The following ROBO2 variants were observed in gnomAD, a reference collection of about 807,000 sequenced individuals.
The protein encoded by ROBO2 is roundabout homolog 2.
A neutral mutation model predicts 160.8 loss-of-function variants in ROBO2; 53 were observed. The ratio of observed to expected loss-of-function variants is 0.33; its 90% confidence interval spans 0.26 to 0.41. ROBO2 has a LOEUF of 0.41. Ranked by LOEUF, ROBO2 falls within the 10% of genes least tolerant of loss-of-function variation. ROBO2 has a pLI of 1.00. For missense variants in ROBO2, 1,577 were observed against 1,722.4 expected, an observed-to-expected ratio of 0.92 and a Z score of 1.49; for synonymous variants, 664 against 611.7, an observed-to-expected ratio of 1.09 and a Z score of -1.26.
At chr3:77,616,373 G>GTT (rs11393761) in intron 21 of ROBO2, among the ~76,000 whole-genome samples, 23 of 151,266 alleles carry the variant, frequency 1.5e-4, no homozygotes, top group South Asian at 6.3e-4. Context: ...AGTTGGAAAG[G>GTT]TTTTTTTTTA....
At chr3:76,730,125 T>G (rs1292023292) in intron 2 of ROBO2, among the ~76,000 whole-genome samples, 1 of 152,018 alleles carries the variant, frequency 6.6e-6, no homozygotes, top group Non-Finnish European at 1.5e-5. Context: ...TTTCTTACTG[T>G]CCTTCACTCT....
chr3:77,471,823 G>A (rs527800676), intron 2 of ROBO2, among the ~76,000 whole-genome samples: 45 of 152,250 alleles, frequency 3.0e-4, no homozygotes, highest in African/African-American at 9.6e-4. Context: ...TGATTTTTTT[G>A]AGGAGATGAA....
At chr3:76,628,371 C>T (rs2089804035) in intron 2 of ROBO2, among the ~76,000 whole-genome samples, 2 of 151,818 alleles carry the variant, frequency 1.3e-5, no homozygotes, top group Non-Finnish European at 2.9e-5. Flanking sequence ...CTCAAGTGAC[C>T]CTCACACTAC....
intron 1 of ROBO2, among the ~76,000 whole-genome samples, chr3:77,085,247 C>T (rs1009887801): frequency 3.3e-5 from 5 of 151,994 alleles, no homozygotes; most frequent in South Asian, 4.1e-4. Flanking sequence ...TTATTAAAGA[C>T]GTAAATTTAT....
intron 2 of ROBO2, among the ~76,000 whole-genome samples, chr3:77,236,648 A>G (rs2088031301): frequency 6.6e-6 from 1 of 152,196 alleles, no homozygotes; most frequent in Non-Finnish European, 1.5e-5. Flanking sequence ...TTCTGGTATC[A>G]TACAGAATAA....
At chr3:77,433,829 T>C (rs1414180429) in intron 2 of ROBO2, among the ~76,000 whole-genome samples, 1 of 151,976 alleles carries the variant, frequency 6.6e-6, no homozygotes, top group Non-Finnish European at 1.5e-5. Context: ...CTAAACCCAG[T>C]AATTCTTGTG....
At chr3:76,246,717 C>A (rs1040056675) in intron 2 of ROBO2, among the ~76,000 whole-genome samples, 107 of 152,190 alleles carry the variant, frequency 7.0e-4, no homozygotes, top group Admixed American at 2.1e-3. Context: ...ATGCTGAATT[C>A]TAGACTAGAG....
At chr3:77,178,627 G>C (rs778796991) in intron 2 of ROBO2, among the ~76,000 whole-genome samples, 35 of 151,972 alleles carry the variant, frequency 2.3e-4, no homozygotes, top group Non-Finnish European at 4.1e-4. Flanking sequence ...CTTTGAATAA[G>C]TGTCATTTTT....
rs370366202 is a variant in ROBO2, at chr3:77,240,391, C to T, written c.388+142051C>T. Among the ~76,000 whole-genome samples the T allele has an allele frequency of 6.4e-4, 97 of 152,272 alleles. 1 individual carries two copies. The highest frequency in any genetic ancestry group is 2.2e-3 in the African/African-American group (91 of 41,582). On this transcript the variant is annotated intron_variant, in intron 2 of 25. Coordinates refer to ENST00000461745, the Ensembl canonical transcript of ROBO2. ...AGTCGCCCGCTCCGAGTGGGCCCGCCGAGCCCACGCCCACCCGGAACTCAC... is the reference window on the plus strand; with the variant it reads ...AGTCGCCCGCTCCGAGTGGGCCCGCTGAGCCCACGCCCACCCGGAACTCAC...
At chr3:77,354,219 T>A (rs1224242441) in intron 2 of ROBO2, among the ~76,000 whole-genome samples, 1 of 152,200 alleles carries the variant, frequency 6.6e-6, no homozygotes, top group Non-Finnish European at 1.5e-5. Context: ...TAGTTGTTGG[T>A]CTCATGGACA....
intron 2 of ROBO2, among the ~76,000 whole-genome samples, chr3:75,998,335 A>C (rs1051976220): frequency 6.6e-6 from 1 of 152,196 alleles, no homozygotes; most frequent in African/African-American, 2.4e-5. Context: ...ACCATAACTC[A>C]TATGACGTTT....
At chr3:77,562,394 G>T (rs148865043) in intron 9 of ROBO2, among the ~76,000 whole-genome samples, 1 of 151,890 alleles carries the variant, frequency 6.6e-6, no homozygotes, top group Admixed American at 6.6e-5. Context: ...AAAGAGAGGG[G>T]CAAATTGTTT....
At chr3:77,428,337 A>ATTTTTTTTTTTTTTT (rs1491236295) in intron 2 of ROBO2, among the ~76,000 whole-genome samples, 1 of 128,224 alleles carries the variant, frequency 7.8e-6, no homozygotes, top group South Asian at 2.6e-4. Flanking sequence ...AACTTAGGTA[A>ATTTTTTTTTTTTTTT]TATTTTTTTT....
chr3:76,634,333 C>T (rs1047679622), intron 2 of ROBO2, among the ~76,000 whole-genome samples: 11 of 152,056 alleles, frequency 7.2e-5, no homozygotes, highest in Non-Finnish European at 1.3e-4. Context: ...TTTGGGAAGC[C>T]GAGGCAGGCA....
chr3:76,795,447 G>A (rs931942063), intron 2 of ROBO2, among the ~76,000 whole-genome samples: 1 of 152,072 alleles, frequency 6.6e-6, no homozygotes, highest in Non-Finnish European at 1.5e-5. Flanking sequence ...TAAATGCTTT[G>A]TTATCATTTT....
chr3:76,594,942 C>T (rs1393515125), intron 2 of ROBO2, among the ~76,000 whole-genome samples: 1 of 151,922 alleles, frequency 6.6e-6, no homozygotes, highest in East Asian at 1.9e-4. Flanking sequence ...TGTATTGAAG[C>T]CCAAATCCCC....
At chr3:77,032,176 C>G (rs1479877589) in intron 2 of ROBO2, among the ~76,000 whole-genome samples, 1 of 152,122 alleles carries the variant, frequency 6.6e-6, no homozygotes, top group African/African-American at 2.4e-5. Context: ...CAAAAACATT[C>G]AGACCATAGC....
chr3:76,764,995 T>C (rs2061498203), intron 2 of ROBO2, among the ~76,000 whole-genome samples: 1 of 151,688 alleles, frequency 6.6e-6, no homozygotes, highest in Non-Finnish European at 1.5e-5. Context: ...GGGCTGTTAG[T>C]GCACCCTTCA....
chr3:76,143,196 A>G (rs1354744600), intron 2 of ROBO2, among the ~76,000 whole-genome samples: 5 of 151,874 alleles, frequency 3.3e-5, no homozygotes, highest in Admixed American at 3.3e-4. Context: ...TCAGATATTT[A>G]TTACTATTAT....
Sources: gnomAD v4.1 joint callset for allele counts (sites outside exome capture counted in the v4.1 genomes callset) on GRCh38, gnomAD v4.1.1 for gene constraint, MANE v1.5 for transcripts, NCBI Gene and HGNC (gene_info 2026-07-23, HGNC 2026-07-21) for gene names.